Variants in FRYL observed in about 807,000 individuals in gnomAD.
FRYL encodes the protein FRY like transcription coactivator.
FRYL carries 150 observed loss-of-function variants against 351.2 expected under a neutral mutation model. The ratio of observed to expected loss-of-function variants is 0.43; its 90% CI spans 0.37 to 0.49. FRYL has a LOEUF of 0.49. FRYL is among the 20% of genes least tolerant of loss of function. The pLI, the probability that FRYL is intolerant of heterozygous loss-of-function variation, is 0.00. For missense variants in FRYL, 3,036 were observed against 3,619.3 expected (o/e 0.84, Z 4.13); for synonymous variants, 1,153 against 1,257.1 (o/e 0.92, Z 1.75).
At chr4:48,521,452 C>T (rs145830575) in intron 54 of FRYL, among the ~76,000 whole-genome samples, 3 of 152,286 alleles carry the variant, frequency 2.0e-5, no homozygotes, top group East Asian at 3.9e-4. Flanking sequence ...CAAAAACTAT[C>T]AAAGTGGAAG....
At position 48,547,684 on chromosome 4, in the gene FRYL, G is replaced by T. The variant is rs746215915; in HGVS notation, c.4974C>A (p.Asn1658Lys). Residue 1658 changes from asparagine to lysine, a missense_variant, in exon 41 of 64, where the codon AAC becomes AAA. Transcript: ENST00000358350. ...HLLIVMGPNS[N>K]IRTVASVLLR... ...GAAGGACAGAAGCAACAGTTCGGATGTTACTATTGGGTCCCATTACTATTA... is the reference window on the plus strand; with the variant it reads ...GAAGGACAGAAGCAACAGTTCGGATTTTACTATTGGGTCCCATTACTATTA... The T allele has an allele frequency of 1.2e-6, 2 of 1,606,642 alleles. No individual in the cohort carries two copies. Among genetic ancestry groups the T allele is most frequent in the Admixed American group, 3.3e-5 (2 of 59,912 alleles).
At chr4:48,681,444 G>T (rs1764598115) in intron 3 of FRYL, among the ~76,000 whole-genome samples, 1 of 152,132 alleles carries the variant, frequency 6.6e-6, no homozygotes, top group African/African-American at 2.4e-5. Flanking sequence ...TTAACATTTA[G>T]ATTTTGAAAA....
intron 1 of FRYL, among the ~76,000 whole-genome samples, chr4:48,744,728 T>A (rs1316022914): frequency 6.6e-6 from 1 of 152,184 alleles, no homozygotes; most frequent in African/African-American, 2.4e-5. Flanking sequence ...ATCCTTCCCA[T>A]ACTTAGTCAA....
At chr4:48,684,959 T>C (rs181072841) in intron 2 of FRYL, among the ~76,000 whole-genome samples, 164 bp from the exon 3 acceptor site, 1 of 152,236 alleles carries the variant, frequency 6.6e-6, no homozygotes, top group African/African-American at 2.4e-5. Flanking sequence ...TCTAAGTTTT[T>C]TATTATGGAA....
chr4:48,587,127 G>A (rs765214253), intron 18 of FRYL, among the ~76,000 whole-genome samples: 2 of 151,762 alleles, frequency 1.3e-5, no homozygotes, highest in Admixed American at 1.3e-4. Context: ...ATTTTGAGGG[G>A]CCTATAAAAT....
chr4:48,711,318 A>AG (rs1767984499), intron 1 of FRYL, among the ~76,000 whole-genome samples: 1 of 145,806 alleles, frequency 6.9e-6, no homozygotes, highest in Non-Finnish European at 1.5e-5. Flanking sequence ...AATCAAAGAA[A>AG]GGGGTGACAG....
At chr4:48,601,041 C>G (rs1361318338) in intron 13 of FRYL, among the ~76,000 whole-genome samples, 1 of 152,078 alleles carries the variant, frequency 6.6e-6, no homozygotes, top group Non-Finnish European at 1.5e-5. Flanking sequence ...TACATAAAAT[C>G]ATGAAAAAGA....
intron 57 of FRYL, among the ~76,000 whole-genome samples, chr4:48,511,681 A>C (rs1246525690): frequency 2.0e-5 from 3 of 152,332 alleles, no homozygotes; most frequent in Middle Eastern, 3.4e-3. Flanking sequence ...CCAAGTAGTG[A>C]TGCAATAAGT....
chr4:48,701,222 T>C (rs1298844671), intron 2 of FRYL, among the ~76,000 whole-genome samples: 1 of 152,226 alleles, frequency 6.6e-6, no homozygotes, highest in African/African-American at 2.4e-5. Flanking sequence ...ATTGCATCAA[T>C]ATGTATTAGG....
intron 4 of FRYL, among the ~76,000 whole-genome samples, chr4:48,632,877 T>C (rs183289672): frequency 4.3e-4 from 65 of 152,296 alleles, no homozygotes; most frequent in African/African-American, 1.4e-3. Context: ...CTTCCTGCCC[T>C]GTCCTCCCTT....
chr4:48,599,385 C>T (rs761961032), intron 13 of FRYL, among the ~76,000 whole-genome samples: 2 of 152,170 alleles, frequency 1.3e-5, no homozygotes, highest in Non-Finnish European at 2.9e-5. Flanking sequence ...TAACGTGACA[C>T]TGTCACAAGC....
chr4:48,556,891 TG>T, intron 35 of FRYL, 86 bp downstream of exon 35: 2 of 1,266,384 alleles, frequency 1.6e-6, no homozygotes, highest in Non-Finnish European at 2.1e-6. Context: ...TTGCCTCTCC[TG>T]GGCAACTGCT....
chr4:48,627,890 C>A (rs1329147760), intron 4 of FRYL, among the ~76,000 whole-genome samples: 1 of 152,126 alleles, frequency 6.6e-6, no homozygotes, highest in Non-Finnish European at 1.5e-5. Context: ...TTCTGCCTCA[C>A]CTCCCCAGCA....
chr4:48,501,514 A>C, intron 62 of FRYL, 109 bp downstream of exon 62: 1 of 689,028 alleles, frequency 1.5e-6, no homozygotes, highest in Non-Finnish European at 2.6e-6. Context: ...AAAAGAAAAA[A>C]GACTCACTCT....
intron 57 of FRYL, among the ~76,000 whole-genome samples, chr4:48,512,258 T>C (rs999644406): frequency 6.6e-6 from 1 of 152,200 alleles, no homozygotes; most frequent in African/African-American, 2.4e-5. Flanking sequence ...TTTGAAGTTT[T>C]ATTCTAATTG....
chr4:48,710,738 A>G (rs766775816), intron 1 of FRYL, 40 bp from the exon 2 acceptor site: 3 of 396,398 alleles, frequency 7.6e-6, no homozygotes, highest in Non-Finnish European at 1.3e-5. Context: ...CATCACTAAC[A>G]GCCATGCTTA....
intron 55 of FRYL, among the ~76,000 whole-genome samples, chr4:48,516,662 T>C (rs1291254092): frequency 6.6e-6 from 1 of 152,338 alleles, no homozygotes; most frequent in South Asian, 2.1e-4. Flanking sequence ...AACTCATCTA[T>C]AAAATGAAGG....
chr4:48,586,377 A>G (rs1227136621), intron 19 of FRYL, among the ~76,000 whole-genome samples: 2 of 152,110 alleles, frequency 1.3e-5, no homozygotes, highest in Admixed American at 6.5e-5. Flanking sequence ...ATGGAAAAAT[A>G]GGGAACTGAA....
At chr4:48,587,751 G>A (rs1334482462) in intron 18 of FRYL, among the ~76,000 whole-genome samples, 4 of 152,012 alleles carry the variant, frequency 2.6e-5, no homozygotes, top group African/African-American at 9.7e-5. Flanking sequence ...CACCATGTTG[G>A]TCAGGCTGGT....
Sources: allele counts gnomAD v4.1 joint callset (sites outside exome capture counted in the v4.1 genomes callset), GRCh38; gene constraint gnomAD v4.1.1; transcripts MANE v1.5; gene names NCBI Gene and HGNC (gene_info 2026-07-23, HGNC 2026-07-21).